The following OR14J1 variants were observed in gnomAD, a reference collection of about 807,000 sequenced individuals.
The protein encoded by OR14J1 is olfactory receptor 14J1.
For synonymous variants in OR14J1, 140 were observed against 146.7 expected, an observed-to-expected ratio of 0.95 and a Z score of 0.33; for missense variants, 378 against 393.4, an observed-to-expected ratio of 0.96 and a Z score of 0.33.
In OR14J1 at chr6:29,308,502, G is replaced by A. The variant is rs1039458618; in HGVS notation, c.*847G>A. 8 of 152,118 alleles carry A rather than the reference G, an allele frequency of 5.3e-5. No homozygotes were observed. The highest frequency in any genetic ancestry group is 2.9e-5 in the Non-Finnish European group (2 of 68,010). 9.4% of individuals were successfully genotyped at this position (152,118 alleles called of 1,614,324 possible). A position where few individuals can be genotyped will look rare whatever the true frequency, so the allele number is the denominator to read the frequency against. On this transcript the variant is annotated 3_prime_UTR_variant, in exon 2 of 2. Coordinates refer to ENST00000641895, the MANE Select transcript of OR14J1 (RefSeq NM_030946.2). Reference sequence around the variant, plus strand: ...ATCTGTACAAGAGTTTGACAAATTGGTTTTACAGAGTTAGGCAGGGGATGC... The same window carrying A: ...ATCTGTACAAGAGTTTGACAAATTGATTTTACAGAGTTAGGCAGGGGATGC...
chr6:29,306,590 T>C (rs1465648565), intron 1 of OR14J1, 72 bp from the exon 2 acceptor site: 3 of 719,300 alleles, frequency 4.2e-6, no homozygotes, highest in African/African-American at 3.5e-5. Context: ...TGCTGAGGAA[T>C]TGAGTTACTT....
rs1159880061 is a variant in OR14J1 at position 29,310,400 on chromosome 6, T to C, written c.*2745T>C. ...TTCCCCATTGCTTGTTTTTGTCAAG[T>C]TTGTCAAAGATCAGATGGTTGTAGA... On this transcript the variant is annotated 3_prime_UTR_variant, in exon 2 of 2. Transcript: ENST00000641895. 2 of 152,230 alleles carry C rather than the reference T, an allele frequency of 1.3e-5. No individual in the cohort carries two copies. Among genetic ancestry groups the C allele is most frequent in the Non-Finnish European group, 1.5e-5 (1 of 68,052 alleles). The allele number at this position is 152,230 out of a possible 1,614,324, so 9.4% of individuals were successfully genotyped here.
intron 1 of OR14J1, among the ~76,000 whole-genome samples, chr6:29,303,969 T>C (rs1774895228): frequency 6.6e-6 from 1 of 151,740 alleles, no homozygotes; most frequent in African/African-American, 2.4e-5. Flanking sequence ...TAGAGCAAGG[T>C]TGAGTATAGG....
rs1226633086 is a variant in OR14J1, at chr6:29,309,909, G to A, written c.*2254G>A. The A allele has an allele frequency of 6.6e-6, 1 of 151,838 alleles. No homozygotes were observed. The highest frequency in any genetic ancestry group is 1.5e-5 in the Non-Finnish European group (1 of 67,852). The allele number at this position is 151,838 out of a possible 1,614,324, so 9.4% of individuals were successfully genotyped here. A position where few individuals can be genotyped will look rare whatever the true frequency, so the allele number is the denominator to read the frequency against. On this transcript the variant is annotated 3_prime_UTR_variant, in exon 2 of 2. Transcript: ENST00000641895. ...GGCAGGAGAATCGCTTGAACCTGGAGAATCCCAAAAGTGTCTGTTCACATC... is the reference window on the plus strand; with the variant it reads ...GGCAGGAGAATCGCTTGAACCTGGAAAATCCCAAAAGTGTCTGTTCACATC...
intron 1 of OR14J1, among the ~76,000 whole-genome samples, chr6:29,304,327 G>A (rs1429503097): frequency 6.6e-6 from 1 of 152,018 alleles, no homozygotes; most frequent in South Asian, 2.1e-4. Flanking sequence ...GGTAAAAAAC[G>A]GAAAAGTTTA....
chr6:29,307,053 G>C lies in OR14J1; in HGVS notation c.364G>C (p.Ala122Pro). 1 of 1,612,906 alleles carries C rather than the reference G, an allele frequency of 6.2e-7. No individual in the cohort carries two copies. The highest frequency in any genetic ancestry group is 8.5e-7 in the Non-Finnish European group (1 of 1,179,904). Reference protein sequence around the residue: ...ILTVMSYDRYAAICQPLHYET... With the variant: ...ILTVMSYDRYPAICQPLHYET... ...CACAGTGATGTCTTATGACAGGTAC[G>C]CAGCAATCTGTCAACCACTTCATTA... The change falls in exon 2 of 2, where the codon GCA becomes CCA. Residue 122 changes from alanine to proline, a missense_variant. Coordinates refer to ENST00000641895, the MANE Select transcript of OR14J1 (RefSeq NM_030946.2).
chr6:29,306,319 C>T (rs934565599), intron 1 of OR14J1, among the ~76,000 whole-genome samples: 5 of 152,180 alleles, frequency 3.3e-5, no homozygotes, highest in Admixed American at 2.6e-4. Flanking sequence ...TATAGTGCAT[C>T]GTTGTAATAC....
Position 29,307,225 on chromosome 6 carries a change from T to C in OR14J1, c.536T>C (p.Val179Ala). 1 of 1,613,046 alleles carries C rather than the reference T, an allele frequency of 6.2e-7. No homozygotes were observed. Among genetic ancestry groups the C allele is most frequent in the Non-Finnish European group, 8.5e-7 (1 of 1,180,012 alleles). ...GTCATTCACCAATTCTTCTGTGATG[T>C]TCCTCAGATGCTGAAACTAGCCTGT... Reference protein sequence around the residue: ...KRVIHQFFCDVPQMLKLACSY... With the variant: ...KRVIHQFFCDAPQMLKLACSY... Residue 179 changes from valine (V) to alanine (A), a missense_variant, in exon 2 of 2, where the codon GTT becomes GCT. Coordinates refer to ENST00000641895, the MANE Select transcript of OR14J1 (RefSeq NM_030946.2).
rs149080595 is a variant in OR14J1 at position 29,307,824 on chromosome 6, C to G, written c.*169C>G. On this transcript the variant is annotated 3_prime_UTR_variant, in exon 2 of 2. Transcript: ENST00000641895. ...TCTAATAATATTAGCTTTCCTTCCT[C>G]CCTCCAATTCAAGTGTTATTTTAAG... 2.3e-4 allele frequency: 116 copies of G among 494,638 alleles called. 1 individual carries two copies. In the East Asian group the frequency reaches 3.6e-3, roughly 16 times the overall value. 30.6% of individuals were successfully genotyped at this position (494,638 alleles called of 1,614,324 possible).
intron 1 of OR14J1, among the ~76,000 whole-genome samples, chr6:29,305,724 G>T (rs1383018292): frequency 6.7e-6 from 1 of 150,036 alleles, no homozygotes. Flanking sequence ...TGTTACATCT[G>T]GTATAGATTT....
In OR14J1 at chr6:29,306,660, A is replaced by T. The variant is rs1404925821; in HGVS notation, c.-28-2A>T. 3.4e-6 allele frequency: 5 copies of T among 1,453,924 alleles called. No homozygotes were observed. The highest frequency in any genetic ancestry group is 4.8e-6 in the Non-Finnish European group (5 of 1,045,730). 90.1% of individuals were successfully genotyped at this position (1,453,924 alleles called of 1,614,324 possible). A position where few individuals can be genotyped will look rare whatever the true frequency, so the allele number is the denominator to read the frequency against. The stretch of plus-strand genomic sequence containing the variant: ...TCCTACTGTCTTTGGCTTCCTAAAC[A>T]GAGTCACACTTGGTATCTTCAGAGA... On this transcript the variant is annotated splice_acceptor_variant, in intron 1 of 1. Coordinates refer to ENST00000641895, the MANE Select transcript of OR14J1 (RefSeq NM_030946.2). LOFTEE classifies it low-confidence loss of function (5UTR_SPLICE).
At position 29,307,924 on chromosome 6, in the gene OR14J1, T is replaced by C. The variant is rs1313900851; in HGVS notation, c.*269T>C. ...GAGTCTGGCCTGTATAATTTAAAAC[T>C]TGTTATTAACAAATAAGGTTGGAGA... On this transcript the variant is annotated 3_prime_UTR_variant, in exon 2 of 2. Transcript: ENST00000641895. 1 of 302,854 alleles carries C rather than the reference T, an allele frequency of 3.3e-6. No individual in the cohort carries two copies. The highest frequency in any genetic ancestry group is 2.2e-5 in the African/African-American group (1 of 45,822). The allele number at this position is 302,854 out of a possible 1,614,324, so 18.8% of individuals were successfully genotyped here. A position where few individuals can be genotyped will look rare whatever the true frequency, so the allele number is the denominator to read the frequency against.
At position 29,301,751 on chromosome 6, in the gene OR14J1, T is replaced by A. The variant is rs1486674650; in HGVS notation, c.-65T>A. On this transcript the variant is annotated 5_prime_UTR_variant, in exon 1 of 2. Transcript: ENST00000641895. ...AGAACAAAGATGCTCAGTCTCAGGATCAATTGAGATTTGTTTCTACCGAGA... is the reference window on the plus strand; with the variant it reads ...AGAACAAAGATGCTCAGTCTCAGGAACAATTGAGATTTGTTTCTACCGAGA... The A allele has an allele frequency of 6.6e-6, 1 of 152,180 alleles. No homozygotes were observed. Among genetic ancestry groups the A allele is most frequent in the East Asian group, 1.9e-4 (1 of 5,196 alleles). 9.4% of individuals were successfully genotyped at this position (152,180 alleles called of 1,614,324 possible).
chr6:29,303,781 C>T (rs1774882623), intron 1 of OR14J1, among the ~76,000 whole-genome samples: 3 of 151,998 alleles, frequency 2.0e-5, no homozygotes, highest in Admixed American at 6.6e-5. Context: ...CATAGTGAAA[C>T]AATCTGGTTC....
At chr6:29,303,670 G>T (rs556114854) in intron 1 of OR14J1, among the ~76,000 whole-genome samples, 4 of 151,664 alleles carry the variant, frequency 2.6e-5, no homozygotes, top group Non-Finnish European at 5.9e-5. Flanking sequence ...CTTTAAAATG[G>T]ATGAGTCTTA....
In OR14J1 at chr6:29,307,554, A is replaced by G; in HGVS notation, c.865A>G (p.Ser289Gly). ...TCCAACACTCAATCCAGTCATTTAT[A>G]GCTTACGGAATGATTCCATGAAGGC... ...IPPTLNPVIY[S>G]LRNDSMKAAL... The change falls in exon 2 of 2, where the codon AGC (serine) becomes GGC (glycine). Residue 289 changes from serine to glycine, a missense_variant. Transcript: ENST00000641895. 2.5e-6 allele frequency: 4 copies of G among 1,612,868 alleles called. No homozygotes were observed. Among genetic ancestry groups the G allele is most frequent in the South Asian group, 2.2e-5 (2 of 91,082 alleles).
rs901803723 is a variant in OR14J1, at chr6:29,307,344, A to G, written c.655A>G (p.Ile219Val). 7 of 1,612,918 alleles carry G rather than the reference A, an allele frequency of 4.3e-6. No individual in the cohort carries two copies. The Admixed American group carries it at 6.7e-5, about 15-fold the overall frequency. The change falls in exon 2 of 2, where the codon ATC becomes GTC. Residue 219 changes from isoleucine to valine, a missense_variant. Ile to Val is a conservative substitution (Grantham distance 29). Transcript: ENST00000641895. ...CTCCATTGTGCTCTCCTACATTCGC[A>G]TCTTCTCTACAGTGCTGAGAATCCC... ...LISIVLSYIR[I>V]FSTVLRIPSA...
In OR14J1 at chr6:29,307,562, G is replaced by A; in HGVS notation, c.873G>A (p.Arg291=). ...PTLNPVIYSL[R]NDSMKAALRK... is the part of the protein sequence containing the mutation. ...TCAATCCAGTCATTTATAGCTTACG[G>A]AATGATTCCATGAAGGCAGCACTGA... is the stretch of plus-strand genomic sequence containing the variant. Residue 291 remains arginine (R), a synonymous_variant, in exon 2 of 2, where the codon CGG becomes CGA. Transcript: ENST00000641895. 6.2e-7 allele frequency: 1 copy of A among 1,612,706 alleles called. No homozygotes were observed. Among genetic ancestry groups the A allele is most frequent in the Non-Finnish European group, 8.5e-7 (1 of 1,180,006 alleles).
intron 1 of OR14J1, among the ~76,000 whole-genome samples, chr6:29,303,244 C>G (rs1254789585): frequency 6.6e-6 from 1 of 152,056 alleles, no homozygotes; most frequent in Non-Finnish European, 1.5e-5. Context: ...AGTGTCAGGA[C>G]AAATTTTTGG....
Sources: gnomAD v4.1 joint callset for allele counts (sites outside exome capture counted in the v4.1 genomes callset) on GRCh38, gnomAD v4.1.1 for gene constraint, MANE v1.5 for transcripts, NCBI Gene and HGNC (gene_info 2026-07-23, HGNC 2026-07-21) for gene names.